Variants in COL6A5 observed in about 807,000 individuals in gnomAD.
COL6A5 encodes the protein collagen type VI alpha 5 chain, also known as collagen alpha-5(VI) chain.
COL6A5 carries 48 observed loss-of-function variants against 65.6 expected under a neutral mutation model. The ratio of observed to expected loss-of-function variants is 0.73; its 90% CI spans 0.58 to 0.93. The LOEUF is 0.93. Ranked by LOEUF, COL6A5 falls within the 40% of genes least tolerant of loss-of-function variation. The pLI is 0.00. For missense variants in COL6A5, 914 were observed against 928.3 expected, an observed-to-expected ratio of 0.98 and a Z score of 0.20; for synonymous variants, 291 against 322.8, an observed-to-expected ratio of 0.90 and a Z score of 1.05.
chr3:130,367,621 T>C (rs1164083877), intron 1 of COL6A5, among the ~76,000 whole-genome samples: 1 of 152,206 alleles, frequency 6.6e-6, no homozygotes, highest in Admixed American at 6.5e-5. Context: ...TTTTTGTCTG[T>C]TTTGTCCACG....
At chr3:130,423,071 C>A (rs923863859) in intron 28 of COL6A5, among the ~76,000 whole-genome samples, 1 of 151,928 alleles carries the variant, frequency 6.6e-6, no homozygotes, top group Admixed American at 6.6e-5. Flanking sequence ...ATGTCAGTGC[C>A]TTCCAGTCTT....
At chr3:130,478,352 C>A (rs1710149929) in intron 7 of COL6A5, among the ~76,000 whole-genome samples, 1 of 152,122 alleles carries the variant, frequency 6.6e-6, no homozygotes, top group Non-Finnish European at 1.5e-5. Context: ...GCTTTATGAT[C>A]TTGAGAAGTC....
rs1234356828 is a variant in COL6A5 at position 130,403,585 on chromosome 3, G to A, written c.4228-24G>A. 5 of 1,546,832 alleles carry A rather than the reference G, an allele frequency of 3.2e-6. No individual in the cohort carries two copies. The Admixed American group carries it at 7.9e-5, about 24-fold the overall frequency. ...TTTATTGGGGGGGGGTGACTAAAATGTATTGTTCTCTCTTTCTTCCCAGGG... is the reference window on the plus strand; with the variant it reads ...TTTATTGGGGGGGGGTGACTAAAATATATTGTTCTCTCTTTCTTCCCAGGG... On this transcript the variant is annotated intron_variant and NMD_transcript_variant, in intron 12 of 41. Transcript: ENST00000312481.
rs1239990206 is a variant in COL6A5, at chr3:130,391,364, C to T, written c.2602C>T (p.Leu868Phe). Residue 868 changes from leucine to phenylalanine, a missense_variant and NMD_transcript_variant, in exon 7 of 42, where the codon CTT becomes TTT. Physicochemically the swap from Leu to Phe is conservative, Grantham distance 22. Transcript: ENST00000312481. ...TGACCAACCTAACATCCTTTTCTAC[C>T]TTAATACATACTCGAACAGATCAGC... The T allele has an allele frequency of 1.9e-6, 3 of 1,551,688 alleles. No individual in the cohort carries two copies. In the East Asian group the frequency reaches 7.3e-5, roughly 38 times the overall value.
chr3:130,463,746 C>T (rs1483158234), intron 5 of COL6A5, among the ~76,000 whole-genome samples: 6 of 152,098 alleles, frequency 3.9e-5, no homozygotes, highest in African/African-American at 1.4e-4. Flanking sequence ...TTTATCCACA[C>T]TTCTGCCAGA....
intron 4 of COL6A5, among the ~76,000 whole-genome samples, chr3:130,449,027 C>CT (rs1709367780): frequency 1.3e-5 from 2 of 152,114 alleles, no homozygotes; most frequent in Admixed American, 6.5e-5. Flanking sequence ...TGCCTGATTT[C>CT]TTTTTTACTA....
intron 10 of COL6A5, among the ~76,000 whole-genome samples, chr3:130,400,715 A>G (rs879433450): frequency 6.6e-6 from 1 of 152,250 alleles, no homozygotes; most frequent in Admixed American, 6.5e-5. Context: ...CAAGAATTGC[A>G]TGAAAATTGG....
chr3:130,442,150 A>G (rs1709197215), intron 3 of COL6A5, among the ~76,000 whole-genome samples: 1 of 152,196 alleles, frequency 6.6e-6, no homozygotes, highest in Non-Finnish European at 1.5e-5. Flanking sequence ...TAAAGGAAAA[A>G]AATGTTTCCA....
chr3:130,394,748 G>C (rs562838278), intron 7 of COL6A5, 142 bp from the exon 8 acceptor site: 6 of 622,378 alleles, frequency 9.6e-6, no homozygotes, highest in African/African-American at 9.3e-5. Flanking sequence ...TTGAGGATCA[G>C]TGATTCTCTC....
chr3:130,352,187 T>C (rs1203222174), intron 1 of COL6A5, among the ~76,000 whole-genome samples: 1 of 152,020 alleles, frequency 6.6e-6, no homozygotes, highest in Non-Finnish European at 1.5e-5. Flanking sequence ...GGGATAGCAT[T>C]AGGAGAAATA....
exon 3 of COL6A5, chr3:130,376,407 A>G (rs767048731): frequency 6.2e-7 from 1 of 1,613,570 alleles, no homozygotes; most frequent in Admixed American, 1.7e-5. Flanking sequence ...CGAGTTTCAC[A>G]GTGAATTCCA....
chr3:130,370,724 G>A (rs915394519), intron 1 of COL6A5, among the ~76,000 whole-genome samples: 1 of 152,120 alleles, frequency 6.6e-6, no homozygotes, highest in Non-Finnish European at 1.5e-5. Context: ...GGCAGGTAAG[G>A]GAATATTATT....
chr3:130,395,021 A>C, exon 8 of COL6A5: 1 of 1,551,588 alleles, frequency 6.4e-7, no homozygotes, highest in African/African-American at 1.4e-5. Context: ...GTCTCAAAGA[A>C]TGAAAATTGG....
chr3:130,431,562 T>G, exon 1 of COL6A5: 1 of 1,551,626 alleles, frequency 6.4e-7, no homozygotes, highest in South Asian at 1.2e-5. Context: ...ACATCATCAC[T>G]TCCATTGTCA....
chr3:130,399,078 GT>G (rs1281918807), intron 10 of COL6A5, among the ~76,000 whole-genome samples: 2 of 152,208 alleles, frequency 1.3e-5, no homozygotes, highest in African/African-American at 4.8e-5. Context: ...AAATGCAGAA[GT>G]TGAGAGTAGG....
chr3:130,477,365 G>A (rs1710125335), intron 7 of COL6A5: 1 of 289,034 alleles, frequency 3.5e-6, no homozygotes, highest in Non-Finnish European at 6.4e-6. Flanking sequence ...TTTTGTTCAT[G>A]TTTTGTTTTC....
At chr3:130,384,853 A>G (rs1013893277) in exon 5 of COL6A5, 10 of 1,550,320 alleles carry the variant, frequency 6.5e-6, no homozygotes, top group Non-Finnish European at 8.7e-6. Context: ...TTGATGGCTC[A>G]AGCAGCATCC....
intron 7 of COL6A5, among the ~76,000 whole-genome samples, chr3:130,475,475 G>T (rs73868687): frequency 0.012 from 1,819 of 152,142 alleles, 39 homozygotes; most frequent in African/African-American, 0.041. Context: ...TCTCTTTAAT[G>T]TGCTGAAAGA....
At position 130,406,322 on chromosome 3, in the gene COL6A5, G is replaced by A. The variant is rs1469177079; in HGVS notation, c.4479+1G>A. 8 of 1,547,500 alleles carry A rather than the reference G, an allele frequency of 5.2e-6. No homozygotes were observed. Among genetic ancestry groups the A allele is most frequent in the Non-Finnish European group, 7.0e-6 (8 of 1,143,424 alleles). On this transcript the variant is annotated splice_donor_variant and NMD_transcript_variant, in intron 17 of 41. Transcript: ENST00000312481. The stretch of plus-strand genomic sequence containing the variant: ...AGAAAAAGGTGATCCAGGATCTCAG[G>A]TAACACTTTTCTTTTCAATACTTCA...
Sources: allele counts gnomAD v4.1 joint callset (sites outside exome capture counted in the v4.1 genomes callset), GRCh38; gene constraint gnomAD v4.1.1; transcripts MANE v1.5; gene names NCBI Gene and HGNC (gene_info 2026-07-23, HGNC 2026-07-21).